PALM2AKAP2: variants seen among roughly 807,000 people sequenced by gnomAD.
The protein encoded by PALM2AKAP2 is PALM2 and AKAP2 fusion.
In PALM2AKAP2, 37 loss-of-function variants were observed where a neutral mutation model predicts 71.5. That is an observed-to-expected ratio of 0.52 (90% CI 0.40 to 0.68). The LOEUF (loss-of-function observed/expected upper bound fraction) is 0.68, where lower values mean the gene tolerates loss of function less well. Ranked by LOEUF, PALM2AKAP2 falls within the 30% of genes least tolerant of loss-of-function variation. The probability of loss-of-function intolerance (pLI) is 0.00; values close to 1 mark genes in which losing one functional copy is unlikely to be tolerated. For missense variants in PALM2AKAP2, 1,224 were observed against 1,191.8 expected (o/e 1.03, Z -0.40); for synonymous variants, 468 against 478.8 (o/e 0.98, Z 0.29).
chr9:110,116,386 G>T (rs1396320097), intron 1 of PALM2AKAP2, among the ~76,000 whole-genome samples: 2 of 151,484 alleles, frequency 1.3e-5, no homozygotes, highest in African/African-American at 4.9e-5. Context: ...GTGTGTGTGT[G>T]TGCGCATGTG....
At chr9:109,735,467 T>C (rs1411029238) in intron 1 of PALM2AKAP2, among the ~76,000 whole-genome samples, 1 of 152,074 alleles carries the variant, frequency 6.6e-6, no homozygotes, top group Admixed American at 6.6e-5. Flanking sequence ...AGCTCAAATC[T>C]TGTCCTGCAG....
intron 1 of PALM2AKAP2, among the ~76,000 whole-genome samples, chr9:110,105,693 A>G (rs1208202814): frequency 1.3e-5 from 2 of 152,086 alleles, no homozygotes; most frequent in Non-Finnish European, 2.9e-5. Flanking sequence ...ACTATTTTTC[A>G]TTGCTCTTTA....
intron 1 of PALM2AKAP2, among the ~76,000 whole-genome samples, chr9:109,707,751 G>A (rs989073774): frequency 6.6e-6 from 1 of 152,102 alleles, no homozygotes; most frequent in Non-Finnish European, 1.5e-5. Flanking sequence ...AATCCTGTTT[G>A]ATACAGTCAG....
At chr9:110,029,506 T>C (rs1161511475) in intron 7 of PALM2AKAP2, among the ~76,000 whole-genome samples, 1 of 152,192 alleles carries the variant, frequency 6.6e-6, no homozygotes, top group African/African-American at 2.4e-5. Flanking sequence ...TCTGTTTCCT[T>C]CTATGCACAT....
intron 1 of PALM2AKAP2, among the ~76,000 whole-genome samples, chr9:109,791,692 T>C (rs1452614503): frequency 6.6e-6 from 1 of 152,142 alleles, no homozygotes; most frequent in African/African-American, 2.4e-5. Flanking sequence ...CCAGGTTGAC[T>C]TGGCTGAGCT....
At chr9:110,136,146 A>G in exon 2 of PALM2AKAP2, 2 of 1,584,474 alleles carry the variant, frequency 1.3e-6, no homozygotes, top group Non-Finnish European at 1.7e-6. Flanking sequence ...CAGCTTTCTG[A>G]GGATGATATC....
At chr9:109,698,043 A>G (rs920334705) in intron 1 of PALM2AKAP2, among the ~76,000 whole-genome samples, 2 of 152,196 alleles carry the variant, frequency 1.3e-5, no homozygotes, top group African/African-American at 4.8e-5. Flanking sequence ...AGAATCAAAC[A>G]TACTGGATTT....
At chr9:110,006,725 A>G (rs992079609) in intron 6 of PALM2AKAP2, among the ~76,000 whole-genome samples, 4 of 152,138 alleles carry the variant, frequency 2.6e-5, no homozygotes, top group Non-Finnish European at 5.9e-5. Context: ...AATTTATATA[A>G]CATAAGTGAT....
At chr9:110,011,631 A>C (rs1345119992) in intron 6 of PALM2AKAP2, among the ~76,000 whole-genome samples, 1 of 152,208 alleles carries the variant, frequency 6.6e-6, no homozygotes, top group African/African-American at 2.4e-5. Context: ...CTTCCTATAA[A>C]GAAGTGTCTG....
chr9:109,940,539 G>A (rs1361636570), intron 6 of PALM2AKAP2, among the ~76,000 whole-genome samples: 2 of 152,262 alleles, frequency 1.3e-5, no homozygotes, highest in African/African-American at 4.8e-5. Context: ...TGGAAAAGGA[G>A]CACTAGAACA....
intron 1 of PALM2AKAP2, among the ~76,000 whole-genome samples, chr9:109,656,388 A>G (rs890729324): frequency 6.6e-6 from 1 of 152,176 alleles, no homozygotes; most frequent in Non-Finnish European, 1.5e-5. Context: ...GAGGAAGAAT[A>G]AAAACATATC....
intron 3 of PALM2AKAP2, among the ~76,000 whole-genome samples, chr9:109,914,045 C>T (rs1032429202): frequency 3.3e-5 from 5 of 152,110 alleles, no homozygotes; most frequent in South Asian, 4.2e-4. Context: ...CGTGAACCAC[C>T]GCGCCCGGCC....
chr9:110,154,368 C>T (rs1441220858), intron 2 of PALM2AKAP2, among the ~76,000 whole-genome samples: 2 of 152,184 alleles, frequency 1.3e-5, no homozygotes, highest in Non-Finnish European at 2.9e-5. Flanking sequence ...CACCACTGTG[C>T]TATATTGTTT....
chr9:109,823,018 C>T (rs1180525662), intron 1 of PALM2AKAP2, among the ~76,000 whole-genome samples: 3 of 152,182 alleles, frequency 2.0e-5, no homozygotes, highest in African/African-American at 4.8e-5. Context: ...TGAGGTCAAT[C>T]AAATAGGGTT....
intron 3 of PALM2AKAP2, among the ~76,000 whole-genome samples, chr9:109,914,926 T>C (rs1159994867): frequency 6.6e-6 from 1 of 152,186 alleles, no homozygotes; most frequent in African/African-American, 2.4e-5. Context: ...TTTTAGTTGG[T>C]GCTGAGTTCA....
intron 1 of PALM2AKAP2, among the ~76,000 whole-genome samples, chr9:110,079,411 G>A (rs558057714): frequency 2.6e-5 from 4 of 152,092 alleles, no homozygotes; most frequent in South Asian, 2.1e-4. Flanking sequence ...CAGGAGAATC[G>A]CTTGAACTCA....
At chr9:110,153,306 A>T (rs966314643) in intron 2 of PALM2AKAP2, among the ~76,000 whole-genome samples, 2 of 152,168 alleles carry the variant, frequency 1.3e-5, no homozygotes, top group Non-Finnish European at 2.9e-5. Context: ...TCACTGTCTT[A>T]TGTAACTTGG....
intron 1 of PALM2AKAP2, among the ~76,000 whole-genome samples, chr9:109,820,255 T>A (rs966888018): frequency 7.2e-5 from 11 of 152,252 alleles, no homozygotes; most frequent in African/African-American, 2.7e-4. Context: ...AACATGCCAA[T>A]GTGATTGAAG....
At chr9:110,111,892 C>A (rs1326095113) in intron 1 of PALM2AKAP2, among the ~76,000 whole-genome samples, 1 of 152,082 alleles carries the variant, frequency 6.6e-6, no homozygotes, top group Non-Finnish European at 1.5e-5. Flanking sequence ...AGCATTGAAG[C>A]CCCCACTCCC....
Sources: allele counts gnomAD v4.1 joint callset (sites outside exome capture counted in the v4.1 genomes callset), GRCh38; gene constraint gnomAD v4.1.1; transcripts MANE v1.5; gene names NCBI Gene and HGNC (gene_info 2026-07-23, HGNC 2026-07-21).